UNC13C: variants seen among roughly 807,000 people sequenced by gnomAD.
UNC13C encodes unc-13 homolog C.
A neutral mutation model predicts 245.4 loss-of-function variants in UNC13C; 174 were observed. That is an observed-to-expected ratio of 0.71 (90% CI 0.63 to 0.80). The LOEUF (loss-of-function observed/expected upper bound fraction) is 0.80. Among genes scored for constraint, UNC13C ranks in the 30% least tolerant of loss-of-function variants. The probability of loss-of-function intolerance (pLI) is 0.00; values close to 1 mark genes in which losing one functional copy is unlikely to be tolerated. For synonymous variants in UNC13C, 992 were observed against 895.1 expected, an observed-to-expected ratio of 1.11 and a Z score of -1.93; for missense variants, 2,829 against 2,602.9, an observed-to-expected ratio of 1.09 and a Z score of -1.89.
rs74016636 is a variant in UNC13C at position 54,513,731 on chromosome 15, G to A, written c.5457+1901G>A. 8.9e-3 allele frequency among the ~76,000 whole-genome samples: 1,351 copies of A among 152,248 alleles called. 30 individuals are homozygous for A. The highest frequency in any genetic ancestry group is 0.031 in the African/African-American group (1,299 of 41,556). ...CTCAGACACGATTTAAGAAGAAAGC[G>A]TAAATAAATCAGTGAAATAAAATGA... is the stretch of plus-strand genomic sequence containing the variant. On this transcript the variant is annotated intron_variant, in intron 24 of 32. Coordinates refer to ENST00000260323, the MANE Select transcript of UNC13C (RefSeq NM_001080534.3).
At chr15:53,881,760 T>C in the UNC13C span, among the ~76,000 whole-genome samples, 6 of 152,222 alleles carry the variant, frequency 3.9e-5, no homozygotes, top group Non-Finnish European at 8.8e-5. Context: ...GCTCATGTTC[T>C]CAAAAGTTTT....
intron 19 of UNC13C, among the ~76,000 whole-genome samples, chr15:54,444,174 A>G (rs1890678519): frequency 6.6e-6 from 1 of 151,472 alleles, no homozygotes; most frequent in South Asian, 2.1e-4. Context: ...TATAGTTTTT[A>G]TTTTACTTAA....
intron 1 of UNC13C, among the ~76,000 whole-genome samples, chr15:53,995,223 T>C (rs909615094): frequency 2.0e-5 from 3 of 151,988 alleles, no homozygotes; most frequent in African/African-American, 7.3e-5. Context: ...ATTGATTTGG[T>C]AGTTAGAAGA....
intron 29 of UNC13C, among the ~76,000 whole-genome samples, chr15:54,566,326 A>G (rs1897512175): frequency 1.3e-5 from 2 of 152,124 alleles, no homozygotes; most frequent in African/African-American, 4.8e-5. Flanking sequence ...AAGGCACCTG[A>G]AACAGTTCTG....
the UNC13C span, among the ~76,000 whole-genome samples, chr15:53,926,798 A>C: frequency 6.6e-6 from 1 of 152,156 alleles, no homozygotes; most frequent in Non-Finnish European, 1.5e-5. Flanking sequence ...TGTTCCAGAG[A>C]GAAGGACATT....
chr15:54,604,244 A>G (rs1899626731), intron 30 of UNC13C, among the ~76,000 whole-genome samples: 1 of 152,192 alleles, frequency 6.6e-6, no homozygotes, highest in African/African-American at 2.4e-5. Context: ...AAAATTTCCA[A>G]AAGTATGAGT....
Position 54,037,429 on chromosome 15 carries a change from T to A in UNC13C, c.2983+21543T>A, listed in dbSNP as rs114567328. The stretch of plus-strand genomic sequence containing the variant: ...GAGTATTTTTCTCATTGATTTATCA[T>A]GCAAAAATAAAAAAAAATTGTCCAA... On this transcript the variant is annotated intron_variant, in intron 2 of 32. Coordinates refer to ENST00000260323, the MANE Select transcript of UNC13C (RefSeq NM_001080534.3). Among the ~76,000 whole-genome samples, 886 of 152,194 alleles carry A rather than the reference T, an allele frequency of 5.8e-3. 12 individuals are homozygous for A. Among genetic ancestry groups the A allele is most frequent in the African/African-American group, 0.02 (844 of 41,532 alleles).
chr15:54,435,975 A>G (rs1382735736), intron 19 of UNC13C, among the ~76,000 whole-genome samples: 3 of 152,042 alleles, frequency 2.0e-5, no homozygotes, highest in East Asian at 3.9e-4. Context: ...CAAGAAACAT[A>G]TGAGAAAAAG....
rs61048100 is a variant in UNC13C, at chr15:54,392,285, T to A, written c.4714-763T>A. 4.2e-3 allele frequency among the ~76,000 whole-genome samples: 642 copies of A among 152,188 alleles called. 30 individuals carry two copies. The East Asian group carries it at 0.09, about 21-fold the overall frequency. On this transcript the variant is annotated intron_variant, in intron 17 of 32. Coordinates refer to ENST00000260323, the MANE Select transcript of UNC13C (RefSeq NM_001080534.3). Reference sequence around the variant, plus strand: ...AATTTATATGTGAAACATTCAAGATTGATATTGTACTCTGTTAACCTCAAA... The same window carrying A: ...AATTTATATGTGAAACATTCAAGATAGATATTGTACTCTGTTAACCTCAAA...
At position 54,260,861 on chromosome 15, in the gene UNC13C, A is replaced by T. The variant is rs540335928; in HGVS notation, c.3449-3307A>T. On this transcript the variant is annotated intron_variant, in intron 8 of 32. Coordinates refer to ENST00000260323, the MANE Select transcript of UNC13C (RefSeq NM_001080534.3). ...ATAGATACTTCTTCAGAAAAAAAAC[A>T]CAAAAATTGTAAATTGCCATATAAA... is the stretch of plus-strand genomic sequence containing the variant. Among the ~76,000 whole-genome samples, 115 of 151,478 alleles carry T rather than the reference A, an allele frequency of 7.6e-4. 1 individual carries two copies. The highest frequency in any genetic ancestry group is 2.5e-3 in the African/African-American group (103 of 41,390).
intron 28 of UNC13C, among the ~76,000 whole-genome samples, chr15:54,551,432 C>A (rs953061101): frequency 6.6e-6 from 1 of 151,990 alleles, no homozygotes; most frequent in Non-Finnish European, 1.5e-5. Flanking sequence ...GACATACTCA[C>A]CCTGAGGTTT....
intron 10 of UNC13C, among the ~76,000 whole-genome samples, chr15:54,293,383 A>T (rs1205518167): frequency 6.6e-6 from 1 of 151,952 alleles, no homozygotes; most frequent in Non-Finnish European, 1.5e-5. Context: ...AATCAGAAGG[A>T]TTTTGCTCTA....
intron 2 of UNC13C, among the ~76,000 whole-genome samples, chr15:54,072,184 C>T (rs1898360731): frequency 6.6e-6 from 1 of 152,140 alleles, no homozygotes; most frequent in Non-Finnish European, 1.5e-5. Context: ...TGTGGAAGTA[C>T]AGGGTAGTGA....
rs182749149 is a variant in UNC13C at position 54,364,134 on chromosome 15, A to G, written c.4713+25645A>G. 1.4e-3 allele frequency among the ~76,000 whole-genome samples: 212 copies of G among 152,312 alleles called. 1 individual carries two copies. The highest frequency in any genetic ancestry group is 5.0e-3 in the African/African-American group (206 of 41,566). ...AGAAAATGAGCTTTTTGCTTAACAG[A>G]TGCTATATGAAAGAAAAAACAATGA... On this transcript the variant is annotated intron_variant, in intron 17 of 32. Coordinates refer to ENST00000260323, the MANE Select transcript of UNC13C (RefSeq NM_001080534.3).
rs887614310 is a variant in UNC13C, at chr15:54,517,463, T to C, written c.5457+5633T>C. On this transcript the variant is annotated intron_variant, in intron 24 of 32. Coordinates refer to ENST00000260323, the MANE Select transcript of UNC13C (RefSeq NM_001080534.3). ...TTTAATGCCTGGGGTCTCAAGGAGC[T>C]TACAAGGTGTAAGGAACTTGGTAAA... Among the ~76,000 whole-genome samples, 8 of 152,186 alleles carry C rather than the reference T, an allele frequency of 5.3e-5. No individual in the cohort carries two copies. The East Asian group carries it at 9.7e-4, about 18-fold the overall frequency.
the UNC13C span, among the ~76,000 whole-genome samples, chr15:53,922,122 T>A: frequency 6.6e-6 from 1 of 152,208 alleles, no homozygotes; most frequent in African/African-American, 2.4e-5. Flanking sequence ...ATAAAGTGAA[T>A]AAGTAGTGGT....
intron 13 of UNC13C, among the ~76,000 whole-genome samples, chr15:54,301,289 GTT>G (rs10548904): frequency 0.28 from 39,135 of 140,166 alleles, 5,850 homozygotes; most frequent in African/African-American, 0.42. Flanking sequence ...ATTTTCTTTT[GTT>G]TTTTTTTTTT....
the UNC13C span, among the ~76,000 whole-genome samples, chr15:53,847,891 A>G: frequency 6.6e-6 from 1 of 152,212 alleles, no homozygotes; most frequent in Non-Finnish European, 1.5e-5. Flanking sequence ...CTCTGGTGAC[A>G]GAGGTAAACA....
chr15:54,329,852 T>C (rs891649204), intron 14 of UNC13C, among the ~76,000 whole-genome samples: 1 of 152,002 alleles, frequency 6.6e-6, no homozygotes, highest in Non-Finnish European at 1.5e-5. Flanking sequence ...GTGAACTTTA[T>C]CAGTCAGAAA....
Sources: allele counts gnomAD v4.1 joint callset (sites outside exome capture counted in the v4.1 genomes callset), GRCh38; gene constraint gnomAD v4.1.1; transcripts MANE v1.5; gene names NCBI Gene and HGNC (gene_info 2026-07-23, HGNC 2026-07-21).